The following SNX29 variants were observed in gnomAD, a reference collection of about 807,000 sequenced individuals.
SNX29 encodes the protein sorting nexin 29, also known as sorting nexin-29.
SNX29 carries 78 observed loss-of-function variants against 102.1 expected under a neutral mutation model. The ratio of observed to expected loss-of-function variants is 0.76; its 90% CI spans 0.64 to 0.92. The LOEUF (loss-of-function observed/expected upper bound fraction) is 0.92. Among genes scored for constraint, SNX29 ranks in the 40% least tolerant of loss-of-function variants. The pLI, the probability that SNX29 is intolerant of heterozygous loss-of-function variation, is 0.00. For missense variants in SNX29, 1,280 were observed against 1,061.7 expected (o/e 1.21, Z -2.86); for synonymous variants, 580 against 414.5 (o/e 1.40, Z -4.85).
chr16:12,551,860 C>CA (rs966795955), intron 20 of SNX29, among the ~76,000 whole-genome samples: 49 of 152,144 alleles, frequency 3.2e-4, no homozygotes, highest in African/African-American at 1.2e-3. Flanking sequence ...CAGGAGCAGG[C>CA]AGGTGATATT....
At chr16:12,088,136 C>T (rs765695469) in intron 11 of SNX29, 4 of 456,650 alleles carry the variant, frequency 8.8e-6, no homozygotes, top group South Asian at 6.2e-5. Context: ...GGCACCAGCT[C>T]AGTCTCTGCA....
At chr16:12,275,867 G>T (rs1244610756) in intron 14 of SNX29, among the ~76,000 whole-genome samples, 1 of 146,928 alleles carries the variant, frequency 6.8e-6, no homozygotes, top group African/African-American at 2.5e-5. Flanking sequence ...CACCTCATAG[G>T]AAACATTTTA....
chr16:12,529,234 G>C (rs1309182716), intron 20 of SNX29, among the ~76,000 whole-genome samples: 2 of 152,120 alleles, frequency 1.3e-5, no homozygotes, highest in Non-Finnish European at 2.9e-5. Flanking sequence ...GCCCAGGGGG[G>C]ACCAGAGTCT....
intron 14 of SNX29, among the ~76,000 whole-genome samples, chr16:12,239,437 C>T (rs1032266759): frequency 6.6e-6 from 1 of 152,012 alleles, no homozygotes; most frequent in Non-Finnish European, 1.5e-5. Flanking sequence ...GGAGTATTTA[C>T]TTTTGTCTCC....
chr16:12,564,739 T>G (rs12918587), intron 20 of SNX29, among the ~76,000 whole-genome samples: 1 of 151,948 alleles, frequency 6.6e-6, no homozygotes, highest in East Asian at 1.9e-4. Context: ...CAGTTGTGCC[T>G]AACAACTGTC....
At chr16:12,504,537 A>G (rs979632708) in intron 19 of SNX29, among the ~76,000 whole-genome samples, 1 of 152,206 alleles carries the variant, frequency 6.6e-6, no homozygotes, top group Non-Finnish European at 1.5e-5. Flanking sequence ...TCATGTTTCC[A>G]TGGTGCGTCT....
intron 18 of SNX29, among the ~76,000 whole-genome samples, chr16:12,424,950 A>T (rs192015995): frequency 6.6e-6 from 1 of 152,228 alleles, no homozygotes; most frequent in Admixed American, 6.5e-5. Context: ...TCCATAGACA[A>T]ATGGATAAAT....
intron 18 of SNX29, among the ~76,000 whole-genome samples, chr16:12,414,585 G>C (rs1219974623): frequency 6.6e-6 from 1 of 152,130 alleles, no homozygotes; most frequent in African/African-American, 2.4e-5. Flanking sequence ...AAGTTCCCTG[G>C]TTGTAGCCAG....
chr16:12,540,304 C>G (rs377162701), intron 20 of SNX29, among the ~76,000 whole-genome samples: 1 of 152,044 alleles, frequency 6.6e-6, no homozygotes, highest in African/African-American at 2.4e-5. Context: ...ACGGGGTGGC[C>G]CCACCCTCTT....
chr16:12,168,068 A>C (rs1178450340), intron 13 of SNX29, among the ~76,000 whole-genome samples: 2 of 152,212 alleles, frequency 1.3e-5, no homozygotes, highest in African/African-American at 4.8e-5. Context: ...GCACTGGGAG[A>C]CAGTCATGAA....
chr16:12,390,537 A>G (rs6498288), intron 16 of SNX29, among the ~76,000 whole-genome samples: 79,886 of 151,596 alleles, frequency 0.53, 22,037 homozygotes, highest in East Asian at 0.64. Context: ...TGACTACTCA[A>G]TGGAATGTAG....
intron 14 of SNX29, among the ~76,000 whole-genome samples, chr16:12,259,671 A>C (rs1349564983): frequency 6.6e-6 from 1 of 152,172 alleles, no homozygotes; most frequent in Non-Finnish European, 1.5e-5. Context: ...CTAGTCTTCA[A>C]ACTGTAAGGT....
At chr16:12,418,204 T>C (rs888829606) in intron 18 of SNX29, among the ~76,000 whole-genome samples, 2 of 152,304 alleles carry the variant, frequency 1.3e-5, no homozygotes, top group Admixed American at 1.3e-4. Flanking sequence ...GCTGGTGATA[T>C]TTCATATTTA....
intron 13 of SNX29, among the ~76,000 whole-genome samples, chr16:12,134,679 C>T (rs1193521486): frequency 6.6e-6 from 1 of 152,174 alleles, no homozygotes; most frequent in Non-Finnish European, 1.5e-5. Flanking sequence ...TCACAGTCAA[C>T]CTTGGTTCAG....
Position 12,078,859 on chromosome 16 carries a change from G to T in SNX29, c.1346G>T (p.Gly449Val). The stretch of plus-strand genomic sequence containing the variant: ...GTGGAAGCCAGCTCTCCAGGCCACG[G>T]AAGTCCTCTGAGCAGCCTGTTACCT... The part of the protein sequence containing the change: ...YSVEASSPGH[G>V]SPLSSLLPSA... Residue 449 changes from glycine to valine, a missense_variant, in exon 11 of 21, where the codon GGA becomes GTA. Coordinates refer to ENST00000566228, the MANE Select transcript of SNX29 (RefSeq NM_032167.5). 6.2e-7 allele frequency: 1 copy of T among 1,606,646 alleles called. No individual in the cohort carries two copies.
chr16:12,541,468 G>C (rs1411388858), intron 20 of SNX29, among the ~76,000 whole-genome samples: 1 of 152,158 alleles, frequency 6.6e-6, no homozygotes, highest in Non-Finnish European at 1.5e-5. Context: ...GTGCTTGATG[G>C]AGCCAGGATC....
chr16:12,329,457 C>G (rs866722087), intron 15 of SNX29, among the ~76,000 whole-genome samples: 1 of 152,120 alleles, frequency 6.6e-6, no homozygotes, highest in Admixed American at 6.6e-5. Context: ...CAGCCACTTG[C>G]ATGGTGCCTG....
chr16:12,568,729 AC>A lies in SNX29; in HGVS notation c.*102del, dbSNP rs201914201. 2.0e-6 allele frequency: 3 copies of A among 1,493,968 alleles called. No homozygotes were observed. The highest frequency in any genetic ancestry group is 2.4e-5 in the East Asian group (1 of 41,950). The allele number at this position is 1,493,968 out of a possible 1,614,324, so 92.5% of individuals were successfully genotyped here. On this transcript the variant is annotated 3_prime_UTR_variant, in exon 21 of 21. Transcript: ENST00000566228. ...TCACCTCAGCGTGACAACCACGTCC[AC>A]CTGGTGATCCTGAGAGCACACGATT...
At chr16:12,287,619 GA>G (rs1417408153) in intron 15 of SNX29, among the ~76,000 whole-genome samples, 1 of 152,166 alleles carries the variant, frequency 6.6e-6, no homozygotes, top group South Asian at 2.1e-4. Context: ...TTTTAAAACA[GA>G]AAAAACTCTG....
Sources: allele counts gnomAD v4.1 joint callset (sites outside exome capture counted in the v4.1 genomes callset), GRCh38; gene constraint gnomAD v4.1.1; transcripts MANE v1.5; gene names NCBI Gene and HGNC (gene_info 2026-07-23, HGNC 2026-07-21).